PDHX: variants seen among roughly 807,000 people sequenced by gnomAD.
PDHX encodes pyruvate dehydrogenase complex component X.
PDHX carries 33 observed loss-of-function variants against 55.3 expected under a neutral mutation model. The observed-to-expected ratio is 0.60, with a 90% CI of 0.45 to 0.80. The LOEUF is 0.80. PDHX is among the 30% of genes least tolerant of loss of function. The pLI, the probability that PDHX is intolerant of heterozygous loss-of-function variation, is 0.00. For synonymous variants in PDHX, 226 were observed against 219.4 expected (o/e 1.03, Z -0.27); for missense variants, 622 against 619.9 (o/e 1.00, Z -0.04).
chr11:34,934,171 C>T (rs932201978), intron 2 of PDHX, among the ~76,000 whole-genome samples: 3 of 152,086 alleles, frequency 2.0e-5, no homozygotes, highest in African/African-American at 4.8e-5. Flanking sequence ...AATAGTATAG[C>T]CAGTGATCAT....
intron 2 of PDHX, among the ~76,000 whole-genome samples, chr11:34,938,066 A>T (rs1178200203): frequency 6.6e-6 from 1 of 152,250 alleles, no homozygotes; most frequent in African/African-American, 2.4e-5. Flanking sequence ...TGAAAAATAT[A>T]GTCTCTCAAA....
At chr11:34,979,971 C>T (rs1020459269) in intron 8 of PDHX, among the ~76,000 whole-genome samples, 6 of 149,826 alleles carry the variant, frequency 4.0e-5, no homozygotes, top group African/African-American at 1.2e-4. Context: ...GTAAAAATAT[C>T]TGAACCTGCT....
At chr11:34,951,818 T>G (rs1414025885) in intron 3 of PDHX, among the ~76,000 whole-genome samples, 1 of 152,218 alleles carries the variant, frequency 6.6e-6, no homozygotes, top group Non-Finnish European at 1.5e-5. Context: ...TTCTAGGGTT[T>G]TTATGGTTTT....
intron 7 of PDHX, 66 bp from the exon 8 acceptor site, chr11:34,978,058 G>A (rs1281686601): frequency 5.9e-6 from 5 of 852,172 alleles, no homozygotes; most frequent in Middle Eastern, 5.6e-4. Flanking sequence ...CAAGTTTGAA[G>A]TTGTAATGGT....
At chr11:34,973,157 G>C (rs952648371) in intron 7 of PDHX, among the ~76,000 whole-genome samples, 1 of 152,012 alleles carries the variant, frequency 6.6e-6, no homozygotes, top group Non-Finnish European at 1.5e-5. Flanking sequence ...TTGTTTTCTT[G>C]AACAGACCAG....
At chr11:34,982,149 T>A (rs1443390645) in intron 8 of PDHX, among the ~76,000 whole-genome samples, 2 of 152,236 alleles carry the variant, frequency 1.3e-5, no homozygotes, top group African/African-American at 2.4e-5. Flanking sequence ...AACATTTAAG[T>A]CTTTAATCCA....
chr11:34,995,527 T>A lies in PDHX; in HGVS notation c.*355T>A. On this transcript the variant is annotated 3_prime_UTR_variant, in exon 11 of 11. Transcript: ENST00000227868. ...TGAGAATGTATGATACATGTAAAAT[T>A]AAAAAAACTATTAGAACTGTACCAT... The A allele has an allele frequency of 3.2e-6, 1 of 315,246 alleles. No individual in the cohort carries two copies. Among genetic ancestry groups the A allele is most frequent in the Non-Finnish European group, 6.1e-6 (1 of 162,916 alleles). 19.5% of individuals were successfully genotyped at this position (315,246 alleles called of 1,614,324 possible).
chr11:34,969,141 G>A (rs1026320556), intron 6 of PDHX, among the ~76,000 whole-genome samples: 2 of 152,050 alleles, frequency 1.3e-5, no homozygotes, highest in East Asian at 3.9e-4. Context: ...TAATGTAAAT[G>A]TTTTGAGCAC....
chr11:34,948,040 T>C (rs1294465091), intron 3 of PDHX, among the ~76,000 whole-genome samples: 3 of 152,200 alleles, frequency 2.0e-5, no homozygotes, highest in African/African-American at 7.2e-5. Flanking sequence ...ATTCATGTTA[T>C]ATCTAAAAAG....
chr11:34,967,040 C>G (rs901342057), intron 6 of PDHX, among the ~76,000 whole-genome samples: 1 of 151,744 alleles, frequency 6.6e-6, no homozygotes, highest in African/African-American at 2.4e-5. Context: ...TTAGTAGAGA[C>G]GGGGTTTCAC....
chr11:34,945,837 A>G (rs1324399664), intron 2 of PDHX, among the ~76,000 whole-genome samples: 1 of 152,206 alleles, frequency 6.6e-6, no homozygotes, highest in African/African-American at 2.4e-5. Flanking sequence ...AAGATTTAGA[A>G]CATTCTTAGC....
intron 8 of PDHX, among the ~76,000 whole-genome samples, chr11:34,979,571 T>C (rs913458479): frequency 2.6e-5 from 4 of 152,182 alleles, no homozygotes; most frequent in African/African-American, 7.2e-5. Flanking sequence ...TTCTGAAAAT[T>C]ACATTAATAC....
At chr11:34,993,562 C>T (rs1432998019) in intron 10 of PDHX, among the ~76,000 whole-genome samples, 1 of 152,016 alleles carries the variant, frequency 6.6e-6, no homozygotes, top group Non-Finnish European at 1.5e-5. Context: ...TCTCCTTTTT[C>T]ATAGCATTGA....
Position 34,966,662 on chromosome 11 carries a change from T to C in PDHX, c.664T>C (p.Leu222=), listed in dbSNP as rs749926043. The C allele has an allele frequency of 1.9e-6, 3 of 1,614,124 alleles. No homozygotes were observed. The highest frequency in any genetic ancestry group is 2.5e-6 in the Non-Finnish European group (3 of 1,180,010). ...CAGGGATGCTCTCAAACTTGTCCAG[T>C]TGAAACAAACGGGCAAGATTACCGA... ...TKEDALKLVQ[L]KQTGKITESR... The change falls in exon 6 of 11, where the codon TTG becomes CTG. Residue 222 remains leucine (L), a synonymous_variant. Transcript: ENST00000227868.
chr11:34,931,812 T>TTGTGTGTGTG (rs35425265), intron 2 of PDHX, among the ~76,000 whole-genome samples: 1 of 146,084 alleles, frequency 6.8e-6, no homozygotes, highest in African/African-American at 2.5e-5. Flanking sequence ...TTTATCATGA[T>TTGTGTGTGTG]TGTGTGTGTG....
intron 8 of PDHX, among the ~76,000 whole-genome samples, chr11:34,981,291 G>A (rs564954914): frequency 1.3e-5 from 2 of 152,114 alleles, no homozygotes; most frequent in African/African-American, 4.8e-5. Context: ...GAGAATGATG[G>A]TTTCCAGCTT....
At chr11:34,981,899 T>G (rs964705907) in intron 8 of PDHX, among the ~76,000 whole-genome samples, 3 of 152,232 alleles carry the variant, frequency 2.0e-5, no homozygotes, top group African/African-American at 7.2e-5. Flanking sequence ...TTCTGGATAT[T>G]AGCCCTTTGT....
At chr11:34,972,330 A>G (rs1296301391) in intron 7 of PDHX, among the ~76,000 whole-genome samples, 1 of 151,562 alleles carries the variant, frequency 6.6e-6, no homozygotes, top group African/African-American at 2.4e-5. Flanking sequence ...TTATTTTTTA[A>G]TATAAGCATA....
chr11:34,947,572 A>G lies in PDHX; in HGVS notation c.308A>G (p.Asp103Gly), dbSNP rs566746801. 6.2e-7 allele frequency: 1 copy of G among 1,612,706 alleles called. No individual in the cohort carries two copies. The highest frequency in any genetic ancestry group is 1.7e-5 in the Admixed American group (1 of 59,998). The part of the protein sequence containing the change: ...IETDKAVVTL[D>G]ASDDGILAKI... ...ACTGACAAAGCTGTGGTTACCTTAG[A>G]TGCAAGTGATGATGGAATCTTGGCC... is the stretch of plus-strand genomic sequence containing the variant. The change falls in exon 3 of 11, where the codon GAT becomes GGT. Residue 103 changes from aspartate (D) to glycine (G), a missense_variant. Physicochemically the swap from Asp to Gly is moderately conservative, Grantham distance 94. Coordinates refer to ENST00000227868, the MANE Select transcript of PDHX (RefSeq NM_003477.3).
Sources: allele counts gnomAD v4.1 joint callset (sites outside exome capture counted in the v4.1 genomes callset), GRCh38; gene constraint gnomAD v4.1.1; transcripts MANE v1.5; gene names NCBI Gene and HGNC (gene_info 2026-07-23, HGNC 2026-07-21).